The following CNTNAP2 variants were observed in gnomAD, a reference collection of about 807,000 sequenced individuals.
The protein encoded by CNTNAP2 is contactin associated protein 2, also known as contactin-associated protein-like 2.
Under a neutral mutation model 155.2 loss-of-function variants are expected in CNTNAP2, and 98 were observed. The observed-to-expected ratio is 0.63, with a 90% CI of 0.54 to 0.75. CNTNAP2 has a LOEUF of 0.75. Among genes scored for constraint, CNTNAP2 ranks in the 30% least tolerant of loss-of-function variants. The pLI is 0.00. For synonymous variants in CNTNAP2, 651 were observed against 631.2 expected (o/e 1.03, Z -0.47); for missense variants, 1,727 against 1,688.1 (o/e 1.02, Z -0.40).
At chr7:146,691,134 A>C (rs1449833462) in intron 1 of CNTNAP2, among the ~76,000 whole-genome samples, 1 of 152,112 alleles carries the variant, frequency 6.6e-6, no homozygotes, top group Non-Finnish European at 1.5e-5. Flanking sequence ...CTTTAACCAA[A>C]CAATTTCCGC....
intron 1 of CNTNAP2, among the ~76,000 whole-genome samples, chr7:146,136,682 G>GC (rs11422096): frequency 1 from 152,022 of 152,040 alleles, 76,002 homozygotes; most frequent in Middle Eastern, 1. Flanking sequence ...AGTAGGTGGG[G>GC]CCCCTAAGAA....
intron 1 of CNTNAP2, among the ~76,000 whole-genome samples, chr7:146,359,026 C>T (rs1482987494): frequency 6.6e-6 from 1 of 152,188 alleles, no homozygotes. Flanking sequence ...TGCTGTGGTT[C>T]ATCTTAATTA....
chr7:147,576,905 C>T (rs1800406231), intron 12 of CNTNAP2, among the ~76,000 whole-genome samples: 1 of 152,032 alleles, frequency 6.6e-6, no homozygotes, highest in Admixed American at 6.6e-5. Flanking sequence ...GACTGACCAG[C>T]CTTACACCAA....
chr7:147,389,916 A>G (rs1563186079), intron 9 of CNTNAP2, among the ~76,000 whole-genome samples: 1 of 152,158 alleles, frequency 6.6e-6, no homozygotes, highest in Non-Finnish European at 1.5e-5. Context: ...CTTTATTTCC[A>G]TTTTATAGCT....
intron 8 of CNTNAP2, among the ~76,000 whole-genome samples, chr7:147,189,749 T>TGC (rs1802640903): frequency 8.5e-6 from 1 of 117,004 alleles, no homozygotes; most frequent in Non-Finnish European, 1.9e-5. Flanking sequence ...CCACTTTTTT[T>TGC]TGTTGTTGTT....
intron 9 of CNTNAP2, among the ~76,000 whole-genome samples, chr7:147,367,253 C>G (rs1276888469): frequency 6.6e-6 from 1 of 152,172 alleles, no homozygotes; most frequent in African/African-American, 2.4e-5. Flanking sequence ...AATAGGGCCA[C>G]ATCCTATTGG....
At chr7:146,837,273 C>A (rs1046730679) in intron 2 of CNTNAP2, among the ~76,000 whole-genome samples, 2 of 152,004 alleles carry the variant, frequency 1.3e-5, no homozygotes, top group East Asian at 3.9e-4. Context: ...CCTCTCTGAG[C>A]TTAATTTAGA....
intron 3 of CNTNAP2, among the ~76,000 whole-genome samples, chr7:146,948,420 T>C (rs1410242040): frequency 6.6e-6 from 1 of 152,216 alleles, no homozygotes; most frequent in East Asian, 1.9e-4. Context: ...TTAATTTTAT[T>C]GCTTATCTTT....
intron 3 of CNTNAP2, among the ~76,000 whole-genome samples, chr7:147,043,496 T>C (rs1799298259): frequency 6.6e-6 from 1 of 152,214 alleles, no homozygotes; most frequent in Non-Finnish European, 1.5e-5. Flanking sequence ...GTTGAAATGT[T>C]ATCTTTAAAT....
chr7:147,040,698 C>T (rs186600995), intron 3 of CNTNAP2, among the ~76,000 whole-genome samples: 78 of 151,934 alleles, frequency 5.1e-4, no homozygotes, highest in Non-Finnish European at 7.1e-4. Context: ...TGACCTCAAG[C>T]GATCAGCCCA....
intron 1 of CNTNAP2, among the ~76,000 whole-genome samples, chr7:146,694,747 C>A (rs368528443): frequency 4.6e-4 from 70 of 152,248 alleles, no homozygotes; most frequent in African/African-American, 1.6e-3. Flanking sequence ...TACATTTATT[C>A]AAATCATCTT....
At chr7:147,489,684 C>T (rs933914399) in intron 11 of CNTNAP2, among the ~76,000 whole-genome samples, 1 of 152,116 alleles carries the variant, frequency 6.6e-6, no homozygotes, top group Non-Finnish European at 1.5e-5. Flanking sequence ...GGCATGATCT[C>T]GGTTCACTGC....
chr7:146,764,887 TA>T (rs1382781050), intron 1 of CNTNAP2, among the ~76,000 whole-genome samples: 1 of 152,172 alleles, frequency 6.6e-6, no homozygotes, highest in Non-Finnish European at 1.5e-5. Flanking sequence ...CATAAGCTAT[TA>T]AAATTGCATT....
At chr7:147,695,778 G>GCACAGT (rs1382758920) in intron 13 of CNTNAP2, among the ~76,000 whole-genome samples, 1 of 151,890 alleles carries the variant, frequency 6.6e-6, no homozygotes, top group Non-Finnish European at 1.5e-5. Flanking sequence ...CTCCAGCCTG[G>GCACAGT]GCCACAGAGT....
At chr7:147,488,900 T>C (rs1397216422) in intron 11 of CNTNAP2, among the ~76,000 whole-genome samples, 5 of 152,252 alleles carry the variant, frequency 3.3e-5, no homozygotes, top group Non-Finnish European at 7.3e-5. Flanking sequence ...TGAGATTAAA[T>C]GAAATGATGT....
At chr7:146,377,704 C>G (rs1795323025) in intron 1 of CNTNAP2, among the ~76,000 whole-genome samples, 1 of 152,136 alleles carries the variant, frequency 6.6e-6, no homozygotes, top group South Asian at 2.1e-4. Flanking sequence ...AAATTAAAAG[C>G]CTGGAATAAG....
intron 1 of CNTNAP2, among the ~76,000 whole-genome samples, chr7:146,608,087 T>C (rs906779459): frequency 2.6e-5 from 4 of 152,362 alleles, no homozygotes; most frequent in Middle Eastern, 6.8e-3. Context: ...CTAAACTTCA[T>C]GTTCTCCATC....
At chr7:146,118,508 G>GCCA (rs968372642) in intron 1 of CNTNAP2, among the ~76,000 whole-genome samples, 1 of 151,932 alleles carries the variant, frequency 6.6e-6, no homozygotes, top group African/African-American at 2.4e-5. Flanking sequence ...AGAATTTCCT[G>GCCA]CCACTTTTCC....
Position 148,112,494 on chromosome 7 carries a change from C to A in CNTNAP2, c.2384-5624C>A, listed in dbSNP as rs1325659716. 2.0e-5 allele frequency among the ~76,000 whole-genome samples: 3 copies of A among 151,656 alleles called. No individual in the cohort carries two copies. In the East Asian group the frequency reaches 5.8e-4, roughly 29 times the overall value. On this transcript the variant is annotated intron_variant, in intron 15 of 23. Transcript: ENST00000361727. ...GAAATGCAGTGACATGATCACAATTCACTGCAACCTCGAACTCCTGAGCAC... is the reference window on the plus strand; with the variant it reads ...GAAATGCAGTGACATGATCACAATTAACTGCAACCTCGAACTCCTGAGCAC...
Sources: allele counts gnomAD v4.1 joint callset (sites outside exome capture counted in the v4.1 genomes callset), GRCh38; gene constraint gnomAD v4.1.1; transcripts MANE v1.5; gene names NCBI Gene and HGNC (gene_info 2026-07-23, HGNC 2026-07-21).